Variants in AKAP19 observed in about 807,000 individuals in gnomAD.
AKAP19 encodes A-kinase anchoring protein 19, also known as small A-kinase anchoring protein.
the AKAP19 span, among the ~76,000 whole-genome samples, chr2:190,152,032 GA>G: frequency 6.8e-6 from 1 of 147,160 alleles, no homozygotes; most frequent in Non-Finnish European, 1.5e-5. Flanking sequence ...AAAAAACAAA[GA>G]GAGGTCTTGG....
At chr2:190,017,462 G>C in the AKAP19 span, among the ~76,000 whole-genome samples, 2 of 151,910 alleles carry the variant, frequency 1.3e-5, no homozygotes, top group African/African-American at 4.8e-5. Flanking sequence ...TTATCATGAG[G>C]CTCACATAGA....
At chr2:189,882,260 C>T in the AKAP19 span, among the ~76,000 whole-genome samples, 1 of 152,184 alleles carries the variant, frequency 6.6e-6, no homozygotes, top group Non-Finnish European at 1.5e-5. Context: ...AACCCTTCTT[C>T]ACTGTTTCCA....
At chr2:190,033,904 T>G in the AKAP19 span, among the ~76,000 whole-genome samples, 3 of 152,130 alleles carry the variant, frequency 2.0e-5, no homozygotes, top group African/African-American at 7.2e-5. Flanking sequence ...CCCGCTCATA[T>G]CCAGTTTCCA....
the AKAP19 span, chr2:190,056,570 A>G: frequency 1.3e-5 from 2 of 152,600 alleles, no homozygotes; most frequent in African/African-American, 2.4e-5. Context: ...CATTAAAGAA[A>G]ATCCATTCCT....
the AKAP19 span, among the ~76,000 whole-genome samples, chr2:190,005,539 A>G: frequency 1.3e-5 from 2 of 152,164 alleles, no homozygotes; most frequent in Admixed American, 1.3e-4. Flanking sequence ...CTTCTATCTC[A>G]TTACTGCCAT....
chr2:189,922,878 G>A, the AKAP19 span, among the ~76,000 whole-genome samples: 1 of 152,030 alleles, frequency 6.6e-6, no homozygotes, highest in African/African-American at 2.4e-5. Flanking sequence ...TACTGGGTGC[G>A]GTGGCTCATG....
the AKAP19 span, among the ~76,000 whole-genome samples, chr2:190,115,571 G>A: frequency 3.1e-3 from 464 of 150,416 alleles, 2 homozygotes; most frequent in Middle Eastern, 0.027. Context: ...CGCCCGCCTC[G>A]GCCTCCCAAA....
At chr2:190,181,197 A>T in the AKAP19 span, 9 of 972,062 alleles carry the variant, frequency 9.3e-6, no homozygotes, top group Non-Finnish European at 1.1e-5. Flanking sequence ...AGATTTTTCA[A>T]TGGCAGAAAC....
At chr2:190,151,624 G>C in the AKAP19 span, among the ~76,000 whole-genome samples, 2 of 152,264 alleles carry the variant, frequency 1.3e-5, no homozygotes, top group Admixed American at 1.3e-4. Flanking sequence ...TGGGCATTTG[G>C]GTTGATCCCA....
chr2:190,192,128 T>C, the AKAP19 span, among the ~76,000 whole-genome samples: 1 of 152,176 alleles, frequency 6.6e-6, no homozygotes, highest in Non-Finnish European at 1.5e-5. Flanking sequence ...AATTTTTCTA[T>C]AAAGTATAAG....
chr2:189,966,856 A>G, the AKAP19 span, among the ~76,000 whole-genome samples: 4 of 152,214 alleles, frequency 2.6e-5, no homozygotes, highest in African/African-American at 7.2e-5. Context: ...ACAAATTTCA[A>G]TTAAAAGGAT....
At chr2:189,939,138 C>G in the AKAP19 span, among the ~76,000 whole-genome samples, 1 of 152,150 alleles carries the variant, frequency 6.6e-6, no homozygotes, top group Non-Finnish European at 1.5e-5. Flanking sequence ...GGAGGTGGGA[C>G]TATCATCCCC....
chr2:190,002,912 G>A, the AKAP19 span, among the ~76,000 whole-genome samples: 1 of 151,782 alleles, frequency 6.6e-6, no homozygotes, highest in African/African-American at 2.4e-5. Flanking sequence ...CTATTTTTAT[G>A]TAGAAATTCA....
chr2:189,956,163 A>ATTTTCTTT, the AKAP19 span, among the ~76,000 whole-genome samples: 1 of 48,732 alleles, frequency 2.1e-5, no homozygotes, highest in African/African-American at 9.0e-5. Context: ...TTACTAGTAT[A>ATTTTCTTT]TTTTCTTTTT....
At chr2:189,974,258 G>T in the AKAP19 span, among the ~76,000 whole-genome samples, 1 of 152,150 alleles carries the variant, frequency 6.6e-6, no homozygotes, top group Non-Finnish European at 1.5e-5. Flanking sequence ...TCCAGGAGCA[G>T]GTTGTTCAGT....
the AKAP19 span, among the ~76,000 whole-genome samples, chr2:189,949,294 CTG>C: frequency 2.0e-5 from 3 of 152,150 alleles, no homozygotes; most frequent in Non-Finnish European, 4.4e-5. Flanking sequence ...TGGCTCACAC[CTG>C]TAATCCCAGC....
At chr2:189,976,904 T>C in the AKAP19 span, among the ~76,000 whole-genome samples, 7 of 152,156 alleles carry the variant, frequency 4.6e-5, no homozygotes, top group African/African-American at 1.7e-4. Context: ...GAAAGGGAAT[T>C]CCCTGACCCT....
the AKAP19 span, among the ~76,000 whole-genome samples, chr2:190,097,497 T>A: frequency 6.6e-6 from 1 of 152,164 alleles, no homozygotes; most frequent in East Asian, 1.9e-4. Flanking sequence ...TCACAAAAGA[T>A]TTCTCTGTAG....
chr2:189,998,415 A>G, the AKAP19 span, among the ~76,000 whole-genome samples: 2 of 152,202 alleles, frequency 1.3e-5, no homozygotes, highest in South Asian at 4.1e-4. Context: ...AAAAAAATTT[A>G]ATAATTAACT....
Sources: gnomAD v4.1 joint callset for allele counts (sites outside exome capture counted in the v4.1 genomes callset) on GRCh38, gnomAD v4.1.1 for gene constraint, MANE v1.5 for transcripts, NCBI Gene and HGNC (gene_info 2026-07-23, HGNC 2026-07-21) for gene names.